PLCZ1: variants seen among roughly 807,000 people sequenced by gnomAD.
PLCZ1 encodes the protein 1-phosphatidylinositol 4,5-bisphosphate phosphodiesterase zeta-1.
PLCZ1 carries 64 observed loss-of-function variants against 76.8 expected under a neutral mutation model. That is an observed-to-expected ratio of 0.83 (90% CI 0.68 to 1.03). The LOEUF is 1.03. Ranked by LOEUF, PLCZ1 falls within the 50% of genes least tolerant of loss-of-function variation. PLCZ1 has a pLI of 0.00. For synonymous variants in PLCZ1, 248 were observed against 230.8 expected (o/e 1.07, Z -0.68); for missense variants, 751 against 713.7 (o/e 1.05, Z -0.60).
intron 12 of PLCZ1, chr12:18,694,116 T>A (rs770062372): frequency 4.9e-5 from 47 of 962,456 alleles, no homozygotes; most frequent in Non-Finnish European, 7.5e-5. Flanking sequence ...ACGGCTGCCA[T>A]CAGGAAAATG....
intron 13 of PLCZ1, among the ~76,000 whole-genome samples, chr12:18,685,067 C>G (rs1952893867): frequency 6.6e-6 from 1 of 151,970 alleles, no homozygotes; most frequent in South Asian, 2.1e-4. Flanking sequence ...TATCCAGTCT[C>G]AGGTAGAATC....
At chr12:18,680,687 C>T (rs617456), downstream of PLCZ1, among the ~76,000 whole-genome samples, 3 of 151,988 alleles carry the variant, frequency 2.0e-5, no homozygotes, top group Non-Finnish European at 4.4e-5. Context: ...CAAAGACAAC[C>T]AGGAACACAC....
chr12:18,691,784 G>A (rs2086837104), intron 12 of PLCZ1, among the ~76,000 whole-genome samples: 1 of 152,130 alleles, frequency 6.6e-6, no homozygotes, highest in African/African-American at 2.4e-5. Flanking sequence ...GGCAATTGCT[G>A]CCTATCCATT....
intron 6 of PLCZ1, among the ~76,000 whole-genome samples, chr12:18,712,294 A>G (rs1957437561): frequency 6.6e-6 from 1 of 152,176 alleles, no homozygotes; most frequent in African/African-American, 2.4e-5. Flanking sequence ...AACCTGCTCA[A>G]TTTATAGAGT....
At chr12:18,652,313 C>A in the PLCZ1 span, among the ~76,000 whole-genome samples, 1 of 152,078 alleles carries the variant, frequency 6.6e-6, no homozygotes, top group Non-Finnish European at 1.5e-5. Flanking sequence ...GGTCACAGAT[C>A]TGCACAGAAG....
intron 4 of PLCZ1, among the ~76,000 whole-genome samples, chr12:18,720,655 C>T (rs918851069): frequency 7.9e-5 from 12 of 151,552 alleles, no homozygotes; most frequent in African/African-American, 2.9e-4. Flanking sequence ...TCATTTCAAC[C>T]AAAAAGAAAA....
chr12:18,680,765 G>C (rs1187034998), downstream of PLCZ1, among the ~76,000 whole-genome samples: 2 of 151,934 alleles, frequency 1.3e-5, no homozygotes, highest in Non-Finnish European at 2.9e-5. Context: ...TCAGTAAGAG[G>C]GTATTAGAAA....
intron 3 of PLCZ1, among the ~76,000 whole-genome samples, chr12:18,731,966 G>A (rs1959071863): frequency 6.6e-6 from 1 of 151,990 alleles, no homozygotes; most frequent in African/African-American, 2.4e-5. Context: ...AATAACCTAT[G>A]TTTTCAGATT....
In PLCZ1 at chr12:18,705,281, T is replaced by A. The variant is rs140991344; in HGVS notation, c.749A>T (p.Asn250Ile). 5.6e-6 allele frequency: 9 copies of A among 1,613,976 alleles called. No homozygotes were observed. Among genetic ancestry groups the A allele is most frequent in the Non-Finnish European group, 7.6e-6 (9 of 1,180,024 alleles). ...TTCTTGTTGGGCAGTGGAGCAGTGATTTTCTAAAGAGAGCACCACTGGGTA... is the reference window on the plus strand; with the variant it reads ...TTCTTGTTGGGCAGTGGAGCAGTGAATTTCTAAAGAGAGCACCACTGGGTA... ...SDYPVVLSLE[N>I]HCSTAQQEVM... The change falls in exon 7 of 15, where the codon AAT (asparagine) becomes ATT (isoleucine). Residue 250 changes from asparagine (N) to isoleucine (I), a missense_variant. Asn to Ile is a moderately radical substitution (Grantham distance 149). Transcript: ENST00000266505.
At chr12:18,654,294 T>TAA in the PLCZ1 span, among the ~76,000 whole-genome samples, 90 of 142,712 alleles carry the variant, frequency 6.3e-4, 1 homozygote, top group South Asian at 6.6e-3. Flanking sequence ...CACTAGTACC[T>TAA]AAAAAAAAAA....
intron 13 of PLCZ1, among the ~76,000 whole-genome samples, chr12:18,684,841 GATTA>G (rs1284698630): frequency 1.3e-5 from 2 of 151,990 alleles, no homozygotes; most frequent in Non-Finnish European, 2.9e-5. Context: ...AAAGTGACTG[GATTA>G]TAGGGGGCTG....
the PLCZ1 span, among the ~76,000 whole-genome samples, chr12:18,670,163 TAGA>T: frequency 6.6e-6 from 1 of 152,142 alleles, no homozygotes; most frequent in Non-Finnish European, 1.5e-5. Context: ...GATCATTAGA[TAGA>T]AGAAGTATGC....
the PLCZ1 span, among the ~76,000 whole-genome samples, chr12:18,669,923 C>T: frequency 1.3e-5 from 2 of 152,120 alleles, no homozygotes; most frequent in East Asian, 1.9e-4. Context: ...CCCACCTGGC[C>T]TCCCAAAGTG....
At chr12:18,710,930 T>C (rs1038630007) in intron 6 of PLCZ1, among the ~76,000 whole-genome samples, 1 of 152,128 alleles carries the variant, frequency 6.6e-6, no homozygotes, top group Admixed American at 6.5e-5. Context: ...TTTTACACTG[T>C]TGGTTGGACT....
chr12:18,698,461 T>C (rs901724776), intron 10 of PLCZ1, among the ~76,000 whole-genome samples: 5 of 152,150 alleles, frequency 3.3e-5, no homozygotes, highest in African/African-American at 1.2e-4. Flanking sequence ...AGTTAGAGAA[T>C]ATGAACTAAA....
At position 18,699,912 on chromosome 12, in the gene PLCZ1, AAGATC is replaced by A; in HGVS notation, c.1051_1055del (p.Asp351CysfsTer7). 6.2e-7 allele frequency: 1 copy of A among 1,612,184 alleles called. No individual in the cohort carries two copies. Among genetic ancestry groups the A allele is most frequent in the Non-Finnish European group, 8.5e-7 (1 of 1,179,292 alleles). ...ATTTCTCAGCTTTCGTATAAATGACAAGATCAGATAAGGCCAGAGCAATTTTTAGC... is the reference window on the plus strand; with the variant it reads ...ATTTCTCAGCTTTCGTATAAATGACAAGATAAGGCCAGAGCAATTTTTAGC... On this transcript the variant is annotated frameshift_variant, in exon 10 of 15. Coordinates refer to ENST00000266505, the MANE Select transcript of PLCZ1 (RefSeq NM_033123.4). LOFTEE classifies it high-confidence loss of function.
intron 2 of PLCZ1, 44 bp downstream of exon 2, chr12:18,737,317 A>G (rs538957324): frequency 2.5e-6 from 4 of 1,583,532 alleles, no homozygotes. Flanking sequence ...GAGGATAAGT[A>G]GGAGAAAGAA....
chr12:18,655,783 C>T, the PLCZ1 span, among the ~76,000 whole-genome samples: 1 of 149,110 alleles, frequency 6.7e-6, no homozygotes, highest in South Asian at 2.1e-4. Flanking sequence ...CTGACAAATC[C>T]CAATTGACAA....
chr12:18,680,348 G>A (rs1326884295), downstream of PLCZ1, among the ~76,000 whole-genome samples: 1 of 151,992 alleles, frequency 6.6e-6, no homozygotes, highest in East Asian at 1.9e-4. Flanking sequence ...TAAGGGACAT[G>A]TTTTACATCC....
Sources: allele counts gnomAD v4.1 joint callset (sites outside exome capture counted in the v4.1 genomes callset), GRCh38; gene constraint gnomAD v4.1.1; transcripts MANE v1.5; gene names NCBI Gene and HGNC (gene_info 2026-07-23, HGNC 2026-07-21).